Variants in NEK9 observed in about 807,000 individuals in gnomAD.
NEK9 encodes the protein NIMA related kinase 9, also known as serine/threonine-protein kinase Nek9.
Under a neutral mutation model 123.4 loss-of-function variants are expected in NEK9, and 75 were observed. The observed-to-expected ratio is 0.61, with a 90% CI of 0.50 to 0.74. NEK9 has a LOEUF of 0.74. Ranked by LOEUF, NEK9 falls within the 30% of genes least tolerant of loss-of-function variation. The probability of loss-of-function intolerance (pLI) is 0.00; values close to 1 mark genes in which losing one functional copy is unlikely to be tolerated. For synonymous variants in NEK9, 438 were observed against 458.7 expected (o/e 0.95, Z 0.58); for missense variants, 952 against 1,214.4 (o/e 0.78, Z 3.21).
chr14:75,096,463 G>C (rs1456384952), intron 17 of NEK9, among the ~76,000 whole-genome samples: 1 of 152,150 alleles, frequency 6.6e-6, no homozygotes, highest in Non-Finnish European at 1.5e-5. Flanking sequence ...AGGATGTACT[G>C]AATGTTTCTC....
intron 3 of NEK9, 51 bp downstream of exon 3, chr14:75,121,068 A>G (rs773724223): frequency 1.4e-6 from 2 of 1,417,192 alleles, no homozygotes; most frequent in Non-Finnish European, 2.0e-6. Context: ...ACTAGAATGC[A>G]AGAATTACAA....
At chr14:75,095,326 A>T (rs1316047539) in intron 18 of NEK9, 46 bp downstream of exon 18, 2 of 1,411,122 alleles carry the variant, frequency 1.4e-6, no homozygotes, top group African/African-American at 2.9e-5. Flanking sequence ...TAACCAAAAG[A>T]CCCACACTTC....
At chr14:75,086,546 A>G (rs1001091317) in intron 21 of NEK9, 1 of 159,124 alleles carries the variant, frequency 6.3e-6, no homozygotes, top group East Asian at 1.8e-4. Flanking sequence ...GATGAAAATG[A>G]TTCAATCTAG....
At chr14:75,109,639 C>T in intron 10 of NEK9, 46 bp downstream of exon 10, 1 of 1,557,194 alleles carries the variant, frequency 6.4e-7, no homozygotes, top group Middle Eastern at 2.0e-4. Flanking sequence ...GCCCAGTAAA[C>T]AATTAGGCTT....
At chr14:75,097,025 T>C (rs1026963886) in intron 17 of NEK9, 75 bp downstream of exon 17, 2 of 1,387,920 alleles carry the variant, frequency 1.4e-6, no homozygotes, top group African/African-American at 1.4e-5. Context: ...TTTCCAACAA[T>C]GTGACTAACA....
chr14:75,109,825 C>T lies in NEK9; in HGVS notation c.1042G>A (p.Glu348Lys). The change falls in exon 10 of 22, where the codon GAA becomes AAA. Residue 348 changes from glutamate to lysine, a missense_variant. Glu to Lys is a moderately conservative substitution (Grantham distance 56). Around this residue, in one of 4 missense-constraint regions of NEK9, gnomAD observed 698 missense variants for 875.6 expected, o/e 0.80. Coordinates refer to ENST00000238616, the MANE Select transcript of NEK9 (RefSeq NM_033116.6). ...PIAVVTSRTSEVYVWGGGKST... is the reference protein window; with the variant it reads ...PIAVVTSRTSKVYVWGGGKST... The stretch of plus-strand genomic sequence containing the variant: ...TTTCCACCACCCCAAACATAGACTT[C>T]ACTGGTTCGTGATGTTACTACAGCA... 1.9e-6 allele frequency: 3 copies of T among 1,614,044 alleles called. No individual in the cohort carries two copies. The highest frequency in any genetic ancestry group is 2.5e-6 in the Non-Finnish European group (3 of 1,179,974).
At chr14:75,112,362 G>A (rs1269804728) in intron 8 of NEK9, among the ~76,000 whole-genome samples, 2 of 152,196 alleles carry the variant, frequency 1.3e-5, no homozygotes, top group African/African-American at 2.4e-5. Flanking sequence ...ACCTCCTAGA[G>A]GAACAGAGGG....
intron 21 of NEK9, 105 bp from the exon 22 acceptor site, chr14:75,084,791 C>T (rs1426267822): frequency 8.2e-6 from 12 of 1,458,254 alleles, no homozygotes; most frequent in Middle Eastern, 1.8e-4. Context: ...TTGGCTAAGG[C>T]GTGGCTAAGG....
Position 75,110,285 on chromosome 14 carries a change from G to A in NEK9, c.989+36C>T, listed in dbSNP as rs763433093. ...GAAAGAACCCCCTGGTTGTAATTTCGGATATATTAGTTTTTAAGAGTCTCT... is the reference window on the plus strand; with the variant it reads ...GAAAGAACCCCCTGGTTGTAATTTCAGATATATTAGTTTTTAAGAGTCTCT... On this transcript the variant is annotated intron_variant, in intron 9 of 21. Transcript: ENST00000238616. 16 of 1,520,000 alleles carry A rather than the reference G, an allele frequency of 1.1e-5. No homozygotes were observed. In the African/African-American group the frequency reaches 1.4e-4, roughly 13 times the overall value. The allele number at this position is 1,520,000 out of a possible 1,614,324, so 94.2% of individuals were successfully genotyped here.
intron 9 of NEK9, 99 bp from the exon 10 acceptor site, chr14:75,109,976 G>T: frequency 8.9e-7 from 1 of 1,122,622 alleles, no homozygotes; most frequent in Non-Finnish European, 1.3e-6. Flanking sequence ...GCCAATTATG[G>T]TATGAGAAAG....
intron 5 of NEK9, 75 bp downstream of exon 5, chr14:75,118,755 C>A: frequency 2.4e-6 from 2 of 850,702 alleles, no homozygotes; most frequent in South Asian, 1.5e-5. Flanking sequence ...GAAAAGTATG[C>A]AAGATTTAGG....
At position 75,087,219 on chromosome 14, in the gene NEK9, C is replaced by T. The variant is rs780605625; in HGVS notation, c.2616G>A (p.Leu872=). 2 of 1,609,686 alleles carry T rather than the reference C, an allele frequency of 1.2e-6. No homozygotes were observed. Among genetic ancestry groups the T allele is most frequent in the African/African-American group, 2.7e-5 (2 of 74,880 alleles). The change falls in exon 21 of 22, where the codon CTG becomes CTA. Residue 872 remains leucine, a synonymous_variant. Transcript: ENST00000238616. The part of the protein sequence containing the change: ...KPQVEASSPR[L]NPAVTCAGKG... ...TCCCAGCACAGGTTACTGCAGGATTCAGCCGAGGTGACTAGAGAGACAAGA... is the reference window on the plus strand; with the variant it reads ...TCCCAGCACAGGTTACTGCAGGATTTAGCCGAGGTGACTAGAGAGACAAGA...
intron 21 of NEK9, chr14:75,086,788 C>G: frequency 2.2e-6 from 1 of 457,060 alleles, no homozygotes; most frequent in South Asian, 2.1e-5. Context: ...CACCTGTAGT[C>G]CCAGCTACTC....
upstream of NEK9, chr14:75,127,064 A>C: frequency 1.6e-6 from 1 of 611,596 alleles, no homozygotes; most frequent in Non-Finnish European, 2.7e-6. Context: ...CTGCCCCCCG[A>C]CCCGGAAACA....
intron 12 of NEK9, chr14:75,106,220 G>A (rs1894767200): frequency 3.4e-6 from 2 of 594,796 alleles, no homozygotes; most frequent in African/African-American, 1.9e-5. Context: ...TTAGCTGGGT[G>A]TGATGGTGTG....
intron 2 of NEK9, 84 bp from the exon 3 acceptor site, chr14:75,121,258 A>C: frequency 3.1e-6 from 3 of 965,776 alleles, no homozygotes; most frequent in Non-Finnish European, 4.8e-6. Flanking sequence ...AGGTGACACA[A>C]GGAAATGAAG....
At chr14:75,112,558 T>A (rs1172296143) in intron 8 of NEK9, among the ~76,000 whole-genome samples, 1 of 152,212 alleles carries the variant, frequency 6.6e-6, no homozygotes. Flanking sequence ...GCATAGTGTC[T>A]CATGCCTGTA....
intron 1 of NEK9, 56 bp from the exon 2 acceptor site, chr14:75,124,279 C>T (rs939181957): frequency 1.4e-5 from 21 of 1,520,908 alleles, no homozygotes; most frequent in Non-Finnish European, 1.8e-5. Context: ...GCAAATGAAT[C>T]CACACCTAGA....
Position 75,109,770 on chromosome 14 carries a change from T to G in NEK9, c.1097A>C (p.Lys366Thr). 6.2e-7 allele frequency: 1 copy of G among 1,614,200 alleles called. No homozygotes were observed. The highest frequency in any genetic ancestry group is 1.1e-5 in the South Asian group (1 of 91,080). ...GACCTGCCGGGCACTACAGCCACTCTTGATAACATCCAGTTTCTGGGGGGT... is the reference window on the plus strand; with the variant it reads ...GACCTGCCGGGCACTACAGCCACTCGTGATAACATCCAGTTTCTGGGGGGT... ...KSTPQKLDVIKSGCSARQVCA... is the reference protein window; with the variant it reads ...KSTPQKLDVITSGCSARQVCA... Residue 366 changes from lysine (K) to threonine (T), a missense_variant, in exon 10 of 22, where the codon AAG (lysine) becomes ACG (threonine). Lys to Thr is a moderately conservative substitution (Grantham distance 78). This residue lies in a region of NEK9 where 698 missense variants were observed against 875.6 expected (regional missense o/e 0.80). Coordinates refer to ENST00000238616, the MANE Select transcript of NEK9 (RefSeq NM_033116.6).
Sources: gnomAD v4.1 joint callset for allele counts (sites outside exome capture counted in the v4.1 genomes callset) on GRCh38, gnomAD v4.1.1 for gene constraint, gnomAD v4.1.1 regional missense constraint, MANE v1.5 for transcripts, NCBI Gene and HGNC (gene_info 2026-07-23, HGNC 2026-07-21) for gene names.